The following ANP32A variants were observed in gnomAD, a reference collection of about 807,000 sequenced individuals.
ANP32A encodes acidic nuclear phosphoprotein 32 family member A.
ANP32A carries 1 observed loss-of-function variant against 33.9 expected under a neutral mutation model. The observed-to-expected ratio is 0.03, with a 90% CI of 0.01 to 0.14. The LOEUF is 0.14. Among genes scored for constraint, ANP32A ranks in the 10% least tolerant of loss-of-function variants. The pLI is 1.00. For synonymous variants in ANP32A, 115 were observed against 120.5 expected, an observed-to-expected ratio of 0.95 and a Z score of 0.30; for missense variants, 155 against 306.0, an observed-to-expected ratio of 0.51 and a Z score of 3.68.
At chr15:68,786,165 A>C (rs1471859335) in intron 3 of ANP32A, among the ~76,000 whole-genome samples, 5 of 151,926 alleles carry the variant, frequency 3.3e-5, no homozygotes, top group Admixed American at 1.3e-4. Context: ...CTCCCCTATA[A>C]ACCCAGAAGG....
intron 1 of ANP32A, among the ~76,000 whole-genome samples, chr15:68,820,172 CTTA>C (rs1329245218): frequency 3.9e-5 from 6 of 151,984 alleles, no homozygotes; most frequent in Non-Finnish European, 5.9e-5. Context: ...AAGCCCCAAA[CTTA>C]TTGTGTGTGC....
chr15:68,784,458 G>C lies in ANP32A; in HGVS notation c.465C>G (p.Ala155=). 6.2e-7 allele frequency: 1 copy of C among 1,614,050 alleles called. No individual in the cohort carries two copies. The highest frequency in any genetic ancestry group is 8.5e-7 in the Non-Finnish European group (1 of 1,180,034). Residue 155 remains alanine (A), a synonymous_variant, in exon 4 of 7, where the codon GCC becomes GCG. Coordinates refer to ENST00000465139, the MANE Select transcript of ANP32A (RefSeq NM_006305.4). The stretch of plus-strand genomic sequence containing the variant: ...CGTAGCCCTCAGCATCCGAGTCAGG[G>C]GCCTCCTTGTCGTCCCGGTCATAGC... ...LDGYDRDDKE[A]PDSDAEGYVE...
chr15:68,807,408 G>T (rs192940308), intron 1 of ANP32A, among the ~76,000 whole-genome samples: 1 of 121,942 alleles, frequency 8.2e-6, no homozygotes, highest in African/African-American at 2.9e-5. Flanking sequence ...TATTCCTCCC[G>T]CCCCACCTCC....
At chr15:68,798,182 C>CA (rs1894087506) in intron 1 of ANP32A, among the ~76,000 whole-genome samples, 1 of 152,234 alleles carries the variant, frequency 6.6e-6, no homozygotes, top group African/African-American at 2.4e-5. Flanking sequence ...CTTCAGGGAG[C>CA]AGCCCAGGGT....
chr15:68,790,798 C>A (rs910452546), intron 1 of ANP32A: 3 of 152,242 alleles, frequency 2.0e-5, no homozygotes, highest in Non-Finnish European at 4.4e-5. Context: ...TCTCCCCAGA[C>A]CCCCAAGTCA....
chr15:68,811,396 A>C (rs1894310275), intron 1 of ANP32A, among the ~76,000 whole-genome samples: 1 of 152,200 alleles, frequency 6.6e-6, no homozygotes, highest in South Asian at 2.1e-4. Flanking sequence ...GGGATGGACA[A>C]GACAAGAAGA....
In ANP32A at chr15:68,780,015, G is replaced by C. The variant is rs1056901592; in HGVS notation, c.*66C>G. On this transcript the variant is annotated 3_prime_UTR_variant, in exon 7 of 7. Transcript: ENST00000465139. The surrounding 1 kb of genome is among the most constrained non-coding windows in gnomAD (Gnocchi z 4.3). ...TCAGGGGGCAGGATTGGAGGGGGGG[G>C]GGAGAGGGGATATGGGTAAAAACAG... 32 of 1,434,706 alleles carry C rather than the reference G, an allele frequency of 2.2e-5. No homozygotes were observed. The highest frequency in any genetic ancestry group is 3.7e-5 in the Admixed American group (2 of 54,744). The allele number at this position is 1,434,706 out of a possible 1,614,324, so 88.9% of individuals were successfully genotyped here. A position where few individuals can be genotyped will look rare whatever the true frequency, so the allele number is the denominator to read the frequency against.
intron 1 of ANP32A, among the ~76,000 whole-genome samples, chr15:68,809,328 G>A (rs755032092): frequency 3.9e-5 from 6 of 152,172 alleles, no homozygotes; most frequent in African/African-American, 9.7e-5. Flanking sequence ...AGGTATGAGC[G>A]TTTCTTTTAC....
At chr15:68,805,945 A>T (rs1048295364) in intron 1 of ANP32A, among the ~76,000 whole-genome samples, 1 of 152,234 alleles carries the variant, frequency 6.6e-6, no homozygotes, top group African/African-American at 2.4e-5. Flanking sequence ...AACAGAACCC[A>T]GTACAGAGTC....
intron 1 of ANP32A, among the ~76,000 whole-genome samples, chr15:68,806,221 G>A (rs757976123): frequency 1.2e-4 from 18 of 152,272 alleles, no homozygotes; most frequent in Non-Finnish European, 2.4e-4. Context: ...GCCATTGGTC[G>A]ATACAAGTCT....
intron 5 of ANP32A, 170 bp downstream of exon 5, chr15:68,782,786 C>T: frequency 8.0e-7 from 1 of 1,249,440 alleles, no homozygotes; most frequent in Non-Finnish European, 1.1e-6. Context: ...CAAGTCTTGT[C>T]TCCCCAGAAA....
intron 1 of ANP32A, among the ~76,000 whole-genome samples, chr15:68,796,625 C>A (rs1213351371): frequency 2.0e-5 from 3 of 152,194 alleles, no homozygotes; most frequent in African/African-American, 7.2e-5. Context: ...GAAGCAGAGT[C>A]CCAGCAGGTG....
At chr15:68,788,167 G>C (rs143417993) in intron 1 of ANP32A, among the ~76,000 whole-genome samples, 40 of 152,156 alleles carry the variant, frequency 2.6e-4, no homozygotes, top group African/African-American at 8.9e-4. Context: ...GCAGAACCAG[G>C]GGGCCACTCC....
chr15:68,787,121 C>G (rs1893942778), intron 3 of ANP32A: 2 of 364,234 alleles, frequency 5.5e-6, no homozygotes. Flanking sequence ...GTTTCCAAAG[C>G]TGAGCAGAAA....
chr15:68,787,476 C>G lies in ANP32A; in HGVS notation c.264G>C (p.Pro88=), dbSNP rs770857235. 4 of 1,614,174 alleles carry G rather than the reference C, an allele frequency of 2.5e-6. No homozygotes were observed. The highest frequency in any genetic ancestry group is 3.4e-6 in the Non-Finnish European group (4 of 1,180,022). The change falls in exon 3 of 7, where the codon CCG becomes CCC. Residue 88 remains proline, a synonymous_variant. Transcript: ENST00000465139. ...GGLEVLAEKC[P]NLTHLNLSGN... is the part of the protein sequence containing the mutation. Reference sequence around the variant, plus strand: ...CACTTAAATTTAGATGCGTGAGGTTCGGACACTTTTCTGCCAATACTTCCA... The same window carrying G: ...CACTTAAATTTAGATGCGTGAGGTTGGGACACTTTTCTGCCAATACTTCCA...
intron 1 of ANP32A, among the ~76,000 whole-genome samples, chr15:68,789,075 CCA>C (rs1476097712): frequency 2.6e-5 from 4 of 152,286 alleles, no homozygotes; most frequent in African/African-American, 9.6e-5. Flanking sequence ...GGCAGCTGGC[CCA>C]GAGTTCTCCT....
intron 4 of ANP32A, among the ~76,000 whole-genome samples, chr15:68,784,009 G>A (rs541504184): frequency 3.9e-5 from 6 of 152,286 alleles, no homozygotes; most frequent in Admixed American, 6.5e-5. Context: ...GTCTAAGTGC[G>A]GGTCACACTA....
intron 1 of ANP32A, chr15:68,790,558 C>T (rs1053490401): frequency 6.6e-6 from 1 of 152,188 alleles, no homozygotes; most frequent in Non-Finnish European, 1.5e-5. Context: ...TAAAAATAAT[C>T]GTCATATCTT....
At position 68,820,835 on chromosome 15, in the gene ANP32A, A is replaced by G. The variant is rs570656455; in HGVS notation, c.-84T>C. ...CGAACCCACGGCCGCGCGTTTTAGG[A>G]CTTTGAAGGCTCAACCAGCTCCGCT... On this transcript the variant is annotated 5_prime_UTR_variant, in exon 1 of 7. Transcript: ENST00000465139. 6.5e-7 allele frequency: 1 copy of G among 1,539,868 alleles called. No individual in the cohort carries two copies. The highest frequency in any genetic ancestry group is 1.4e-5 in the African/African-American group (1 of 73,330).
Sources: allele counts gnomAD v4.1 joint callset (sites outside exome capture counted in the v4.1 genomes callset), GRCh38; gene constraint gnomAD v4.1.1; non-coding constraint Gnocchi (gnomAD v3.1); transcripts MANE v1.5; gene names NCBI Gene and HGNC (gene_info 2026-07-23, HGNC 2026-07-21).